Variants in ATOSA observed in about 807,000 individuals in gnomAD.
ATOSA encodes the protein atos homolog protein A.
chr15:52,608,885 C>A, the ATOSA span: 1 of 1,608,532 alleles, frequency 6.2e-7, no homozygotes, highest in Admixed American at 1.7e-5. Flanking sequence ...TTTTTGGAAT[C>A]ATCAGACTGA....
the ATOSA span, among the ~76,000 whole-genome samples, chr15:52,592,936 CAGG>C: frequency 6.6e-6 from 1 of 152,050 alleles, no homozygotes; most frequent in Non-Finnish European, 1.5e-5. Flanking sequence ...TGCTTGAGGC[CAGG>C]AGTTCAAGAC....
the ATOSA span, among the ~76,000 whole-genome samples, chr15:52,686,787 C>G: frequency 4.7e-4 from 71 of 152,176 alleles, no homozygotes; most frequent in Non-Finnish European, 9.1e-4. Flanking sequence ...AGCGGTCCTC[C>G]TACCTCAGCC....
chr15:52,628,226 A>G, the ATOSA span, among the ~76,000 whole-genome samples: 5 of 152,218 alleles, frequency 3.3e-5, no homozygotes, highest in Non-Finnish European at 7.3e-5. Context: ...AATATAAAAT[A>G]TTCAGTCAAT....
the ATOSA span, among the ~76,000 whole-genome samples, chr15:52,636,693 G>C: frequency 6.6e-6 from 1 of 152,164 alleles, no homozygotes; most frequent in Non-Finnish European, 1.5e-5. Context: ...TGTTATGGCA[G>C]GCTGAGCTGA....
chr15:52,698,841 A>AT, the ATOSA span, among the ~76,000 whole-genome samples: 4 of 152,230 alleles, frequency 2.6e-5, no homozygotes, highest in African/African-American at 9.6e-5. Flanking sequence ...AGATTACTGT[A>AT]CTGTCTTCAT....
the ATOSA span, among the ~76,000 whole-genome samples, chr15:52,640,485 C>T: frequency 3.0e-5 from 4 of 133,544 alleles, no homozygotes; most frequent in Admixed American, 8.8e-5. Context: ...GCATGACAAT[C>T]GGTTGAACTT....
At chr15:52,600,977 A>G in the ATOSA span, 11 of 731,052 alleles carry the variant, frequency 1.5e-5, no homozygotes, top group East Asian at 3.1e-4. Context: ...TACTCTAAAT[A>G]AGATTCCTGT....
the ATOSA span, among the ~76,000 whole-genome samples, chr15:52,646,052 T>C: frequency 6.6e-6 from 1 of 152,242 alleles, no homozygotes; most frequent in Non-Finnish European, 1.5e-5. Context: ...CTTACATTTT[T>C]ACCTCATGGG....
At chr15:52,681,168 T>C in the ATOSA span, among the ~76,000 whole-genome samples, 1 of 152,248 alleles carries the variant, frequency 6.6e-6, no homozygotes, top group African/African-American at 2.4e-5. Flanking sequence ...TAGACTAACC[T>C]GAAGTTTTTT....
At chr15:52,599,201 G>A in the ATOSA span, among the ~76,000 whole-genome samples, 1 of 152,016 alleles carries the variant, frequency 6.6e-6, no homozygotes, top group Admixed American at 6.6e-5. Flanking sequence ...ATTTTTTGTA[G>A]TACATGTCTC....
chr15:52,647,507 A>T, the ATOSA span, among the ~76,000 whole-genome samples: 1 of 152,226 alleles, frequency 6.6e-6, no homozygotes, highest in Non-Finnish European at 1.5e-5. Flanking sequence ...ATCTGTGATG[A>T]TATTTAATTT....
chr15:52,612,009 G>A, the ATOSA span, among the ~76,000 whole-genome samples: 20 of 152,074 alleles, frequency 1.3e-4, no homozygotes, highest in Admixed American at 2.0e-4. Context: ...TTTTGCGACT[G>A]AGACTTGCTC....
chr15:52,651,445 T>C, the ATOSA span, among the ~76,000 whole-genome samples: 3 of 152,224 alleles, frequency 2.0e-5, no homozygotes, highest in African/African-American at 2.4e-5. Flanking sequence ...TTCAGAAACA[T>C]GAATTCAATT....
the ATOSA span, among the ~76,000 whole-genome samples, chr15:52,612,165 A>T: frequency 6.6e-6 from 1 of 152,030 alleles, no homozygotes; most frequent in Non-Finnish European, 1.5e-5. Context: ...TTATACTTTT[A>T]GTAGAGACAG....
chr15:52,706,892 G>T, the ATOSA span, among the ~76,000 whole-genome samples: 8 of 152,134 alleles, frequency 5.3e-5, no homozygotes, highest in Admixed American at 3.3e-4. Flanking sequence ...CCCTAGGGCT[G>T]GGGGAAATGG....
At chr15:52,682,595 C>T in the ATOSA span, among the ~76,000 whole-genome samples, 2 of 151,870 alleles carry the variant, frequency 1.3e-5, no homozygotes, top group Non-Finnish European at 1.5e-5. Context: ...ACTCTATGAC[C>T]CATAGCTAGA....
the ATOSA span, among the ~76,000 whole-genome samples, chr15:52,626,606 T>C: frequency 6.6e-6 from 1 of 151,978 alleles, no homozygotes; most frequent in African/African-American, 2.4e-5. Flanking sequence ...TTCATTAATT[T>C]ACAGGTGAGG....
the ATOSA span, among the ~76,000 whole-genome samples, chr15:52,643,251 G>A: frequency 2.0e-5 from 3 of 152,072 alleles, no homozygotes; most frequent in Non-Finnish European, 4.4e-5. Context: ...AGATTTAACG[G>A]TGGTTCCCAA....
At chr15:52,605,147 G>A in the ATOSA span, 93 of 1,607,936 alleles carry the variant, frequency 5.8e-5, no homozygotes, top group African/African-American at 1.1e-3. Flanking sequence ...CTTGAAAGAA[G>A]AGGCAATCCA....
Sources: gnomAD v4.1 joint callset for allele counts (sites outside exome capture counted in the v4.1 genomes callset) on GRCh38, gnomAD v4.1.1 for gene constraint, MANE v1.5 for transcripts, NCBI Gene and HGNC (gene_info 2026-07-23, HGNC 2026-07-21) for gene names.